The following CDKAL1 variants were observed in gnomAD, a reference collection of about 807,000 sequenced individuals.
CDKAL1 encodes the protein CDKAL1 threonylcarbamoyladenosine tRNA methylthiotransferase, also known as threonylcarbamoyladenosine tRNA methylthiotransferase.
Under a neutral mutation model 68.2 loss-of-function variants are expected in CDKAL1, and 32 were observed. The ratio of observed to expected loss-of-function variants is 0.47; its 90% CI spans 0.35 to 0.63. The LOEUF (loss-of-function observed/expected upper bound fraction) is 0.63. CDKAL1 is among the 30% of genes least tolerant of loss of function. The pLI is 0.00. For synonymous variants in CDKAL1, 234 were observed against 244.3 expected, an observed-to-expected ratio of 0.96 and a Z score of 0.39; for missense variants, 606 against 696.7, an observed-to-expected ratio of 0.87 and a Z score of 1.47.
At chr6:20,848,069 G>A (rs189810004) in intron 9 of CDKAL1, among the ~76,000 whole-genome samples, 45 of 152,288 alleles carry the variant, frequency 3.0e-4, no homozygotes, top group African/African-American at 1.0e-3. Flanking sequence ...AGGCTGAAGT[G>A]CAGTTACAAA....
chr6:20,667,393 C>T (rs916647178), intron 5 of CDKAL1, among the ~76,000 whole-genome samples: 2 of 152,116 alleles, frequency 1.3e-5, no homozygotes, highest in Non-Finnish European at 2.9e-5. Flanking sequence ...GACAATGATA[C>T]CTGAATGGGT....
intron 12 of CDKAL1, among the ~76,000 whole-genome samples, chr6:21,103,413 A>G (rs1773682173): frequency 6.9e-6 from 1 of 144,380 alleles, no homozygotes; most frequent in Non-Finnish European, 1.5e-5. Flanking sequence ...TTTTGTCTGA[A>G]AAGGAGTTTA....
chr6:20,801,423 T>C (rs879459094), intron 8 of CDKAL1, among the ~76,000 whole-genome samples: 3 of 152,226 alleles, frequency 2.0e-5, no homozygotes, highest in Non-Finnish European at 2.9e-5. Context: ...ACCATGAAGA[T>C]TGTTATTAAC....
chr6:20,618,287 A>G (rs987108638), intron 4 of CDKAL1, among the ~76,000 whole-genome samples: 2 of 151,988 alleles, frequency 1.3e-5, no homozygotes, highest in African/African-American at 4.8e-5. Context: ...AAATTTGTTT[A>G]AATTCTTTGT....
intron 6 of CDKAL1, among the ~76,000 whole-genome samples, chr6:20,745,317 C>G (rs1451608418): frequency 6.6e-6 from 1 of 152,174 alleles, no homozygotes; most frequent in Non-Finnish European, 1.5e-5. Flanking sequence ...CACCATGTTG[C>G]AAAAGGTAAA....
intron 8 of CDKAL1, among the ~76,000 whole-genome samples, chr6:20,837,044 T>C (rs1023799268): frequency 5.3e-5 from 8 of 152,300 alleles, no homozygotes; most frequent in Admixed American, 6.5e-5. Flanking sequence ...TTTACTGAAA[T>C]TATTACAATG....
chr6:20,544,378 G>T (rs542481223), intron 2 of CDKAL1, among the ~76,000 whole-genome samples: 2 of 151,296 alleles, frequency 1.3e-5, no homozygotes, highest in South Asian at 4.2e-4. Context: ...CGGGCGGATC[G>T]CGAGGTCAGG....
intron 8 of CDKAL1, 111 bp from the exon 9 acceptor site, chr6:20,845,964 C>G: frequency 1.6e-6 from 1 of 623,002 alleles, no homozygotes; most frequent in East Asian, 3.0e-5. Context: ...TTGTATAAAC[C>G]AAGCAAATGT....
intron 10 of CDKAL1, among the ~76,000 whole-genome samples, chr6:20,985,092 T>G (rs1240361986): frequency 2.0e-5 from 3 of 152,138 alleles, no homozygotes; most frequent in African/African-American, 7.2e-5. Flanking sequence ...TTCAAATACT[T>G]TTTTTTAGGT....
chr6:20,933,070 A>C (rs1763542365), intron 9 of CDKAL1, among the ~76,000 whole-genome samples: 1 of 152,204 alleles, frequency 6.6e-6, no homozygotes, highest in South Asian at 2.1e-4. Flanking sequence ...CTGTCTTCCC[A>C]AGGAGAGAAA....
intron 13 of CDKAL1, among the ~76,000 whole-genome samples, chr6:21,139,509 CCTTT>C (rs766325762): frequency 6.6e-6 from 1 of 152,112 alleles, no homozygotes; most frequent in Non-Finnish European, 1.5e-5. Context: ...CTGTGCCTTT[CCTTT>C]CTTGCCTTTT....
chr6:20,857,265 T>C (rs535636757), intron 9 of CDKAL1, among the ~76,000 whole-genome samples: 2 of 152,320 alleles, frequency 1.3e-5, no homozygotes, highest in African/African-American at 4.8e-5. Context: ...TTTCTGGTAG[T>C]GTGAACAAGA....
At chr6:21,078,080 C>G (rs1212512970) in intron 12 of CDKAL1, among the ~76,000 whole-genome samples, 3 of 152,182 alleles carry the variant, frequency 2.0e-5, no homozygotes, top group Non-Finnish European at 4.4e-5. Flanking sequence ...TGAAGGAACA[C>G]AGCCCTGCCA....
chr6:20,730,632 G>A (rs1772876540), intron 5 of CDKAL1, among the ~76,000 whole-genome samples: 1 of 152,026 alleles, frequency 6.6e-6, no homozygotes, highest in African/African-American at 2.4e-5. Context: ...ATCACTTGAT[G>A]TCAGGGGTTT....
chr6:20,690,049 C>T (rs1339499431), intron 5 of CDKAL1, among the ~76,000 whole-genome samples: 1 of 152,136 alleles, frequency 6.6e-6, no homozygotes, highest in Non-Finnish European at 1.5e-5. Context: ...CCTGTATCTC[C>T]TTGTGTAATG....
intron 2 of CDKAL1, among the ~76,000 whole-genome samples, chr6:20,540,416 G>T (rs1422169665): frequency 6.6e-6 from 1 of 151,634 alleles, no homozygotes; most frequent in Non-Finnish European, 1.5e-5. Context: ...AAGAGGATCT[G>T]GTAAGGTAGG....
chr6:21,178,984 C>T (rs1777689497), intron 13 of CDKAL1, among the ~76,000 whole-genome samples: 1 of 152,224 alleles, frequency 6.6e-6, no homozygotes, highest in Non-Finnish European at 1.5e-5. Context: ...AAAATCTCAA[C>T]TCTAAAATTT....
chr6:20,568,167 G>A (rs924606276), intron 4 of CDKAL1, among the ~76,000 whole-genome samples: 4 of 151,896 alleles, frequency 2.6e-5, no homozygotes, highest in African/African-American at 4.8e-5. Context: ...GTGAGCCACC[G>A]TGCCCAGCAC....
intron 13 of CDKAL1, among the ~76,000 whole-genome samples, chr6:21,114,840 G>A (rs1156981913): frequency 1.3e-5 from 2 of 152,098 alleles, no homozygotes; most frequent in African/African-American, 2.4e-5. Context: ...TTTAATTGTA[G>A]TATTAAATAT....
Sources: gnomAD v4.1 joint callset for allele counts (sites outside exome capture counted in the v4.1 genomes callset) on GRCh38, gnomAD v4.1.1 for gene constraint, MANE v1.5 for transcripts, NCBI Gene and HGNC (gene_info 2026-07-23, HGNC 2026-07-21) for gene names.